ALDH4A1: variants seen among roughly 807,000 people sequenced by gnomAD.
The protein encoded by ALDH4A1 is aldehyde dehydrogenase 4 family member A1.
A neutral mutation model predicts 70.5 loss-of-function variants in ALDH4A1; 46 were observed. The observed-to-expected ratio is 0.65, with a 90% confidence interval of 0.51 to 0.83. The LOEUF (loss-of-function observed/expected upper bound fraction) is 0.83, where lower values mean the gene tolerates loss of function less well. ALDH4A1 is among the 40% of genes least tolerant of loss of function. The pLI, the probability that ALDH4A1 is intolerant of heterozygous loss-of-function variation, is 0.00. For synonymous variants in ALDH4A1, 323 were observed against 324.3 expected (o/e 1.00, Z 0.04); for missense variants, 749 against 766.5 (o/e 0.98, Z 0.27).
At chr1:18,900,261 C>T (rs746020401) in intron 1 of ALDH4A1, among the ~76,000 whole-genome samples, 7 of 152,164 alleles carry the variant, frequency 4.6e-5, no homozygotes, top group Admixed American at 6.5e-5. Flanking sequence ...TCAAAAGCAG[C>T]GGTTTTTCTC....
At chr1:18,883,064 T>A in intron 7 of ALDH4A1, 60 bp downstream of exon 7, 2 of 1,609,916 alleles carry the variant, frequency 1.2e-6, no homozygotes, top group Non-Finnish European at 1.7e-6. Context: ...GGCCTCTGTC[T>A]GTCTGTTGGG....
At chr1:18,875,187 C>G (rs750407301) in intron 13 of ALDH4A1, among the ~76,000 whole-genome samples, 195 bp downstream of exon 13, 5 of 152,212 alleles carry the variant, frequency 3.3e-5, no homozygotes, top group Non-Finnish European at 7.3e-5. Flanking sequence ...GCACCGGCAC[C>G]ACCAGTACCG....
chr1:18,887,562 G>A (rs1199573056), intron 3 of ALDH4A1, among the ~76,000 whole-genome samples: 1 of 152,008 alleles, frequency 6.6e-6, no homozygotes, highest in Admixed American at 6.5e-5. Flanking sequence ...TCGCACCACT[G>A]CACTCCAGCC....
In ALDH4A1 at chr1:18,889,396, T is replaced by C. The variant is rs769268247; in HGVS notation, c.215A>G (p.Glu72Gly). The C allele has an allele frequency of 1.3e-6, 2 of 1,552,884 alleles. No homozygotes were observed. The highest frequency in any genetic ancestry group is 2.4e-5 in the South Asian group (2 of 84,110). The change falls in exon 3 of 15, where the codon GAG becomes GGG. Residue 72 changes from glutamate (E) to glycine (G), a missense_variant. Physicochemically the swap from Glu to Gly is moderately conservative, Grantham distance 98. Transcript: ENST00000375341. ...EAIPCVVGDE[E>G]VWTSDVQYQV... ...GTACTGCACGTCCGACGTCCACACC[T>C]CCTCATCCCCCACCACGCATGGGAT...
At position 18,880,342 on chromosome 1, in the gene ALDH4A1, C is replaced by G. The variant is rs189050876; in HGVS notation, c.867-969G>C. On this transcript the variant is annotated intron_variant, in intron 8 of 14. Transcript: ENST00000375341. The surrounding 1 kb of genome is among the most constrained non-coding windows in gnomAD (Gnocchi z 5.1). The stretch of plus-strand genomic sequence containing the variant: ...CTTCCCCCGAGCCCGCTCGCCCTCC[C>G]AGGTGCCCATCTTGAACATTCTCGC... Among the ~76,000 whole-genome samples the G allele has an allele frequency of 3.3e-5, 5 of 152,306 alleles. No individual in the cohort carries two copies. The East Asian group carries it at 5.8e-4, about 18-fold the overall frequency.
chr1:18,893,750 C>T (rs1351870688), intron 1 of ALDH4A1, among the ~76,000 whole-genome samples: 1 of 152,172 alleles, frequency 6.6e-6, no homozygotes, highest in Non-Finnish European at 1.5e-5. Context: ...GTGATCCACC[C>T]GCCTTGGCCT....
intron 1 of ALDH4A1, among the ~76,000 whole-genome samples, chr1:18,901,782 T>G (rs142227570): frequency 1.8e-4 from 27 of 152,196 alleles, no homozygotes; most frequent in African/African-American, 6.3e-4. Context: ...CACTGTTCAG[T>G]GCACTCCCCA....
Position 18,882,451 on chromosome 1 carries a change from C to A in ALDH4A1, c.679-564G>T, listed in dbSNP as rs1348983358. 23 of 460,804 alleles carry A rather than the reference C, an allele frequency of 5.0e-5. No homozygotes were observed. The East Asian group carries it at 1.3e-3, about 26-fold the overall frequency. The allele number at this position is 460,804 out of a possible 1,614,324, so 28.5% of individuals were successfully genotyped here. A position where few individuals can be genotyped will look rare whatever the true frequency, so the allele number is the denominator to read the frequency against. On this transcript the variant is annotated intron_variant, in intron 7 of 14. Transcript: ENST00000375341. ...CAGGCTGTCTGGGAGCTGGGCTGCA[C>A]CTCCCCCACAGGCCTGGGACTTCAT... is the stretch of plus-strand genomic sequence containing the variant.
intron 14 of ALDH4A1, among the ~76,000 whole-genome samples, chr1:18,873,955 C>A (rs1934560795): frequency 6.6e-6 from 1 of 152,168 alleles, no homozygotes; most frequent in Admixed American, 6.5e-5. Flanking sequence ...GGACTGAGTT[C>A]TTAACCTGTG....
At chr1:18,881,086 A>G (rs1182107563) in intron 8 of ALDH4A1, among the ~76,000 whole-genome samples, 3 of 152,138 alleles carry the variant, frequency 2.0e-5, no homozygotes, top group Non-Finnish European at 4.4e-5. Flanking sequence ...CAGTGAGTGC[A>G]TGGATGGTCG....
intron 13 of ALDH4A1, among the ~76,000 whole-genome samples, chr1:18,874,858 G>A (rs972289896): frequency 2.0e-5 from 3 of 152,156 alleles, no homozygotes; most frequent in African/African-American, 7.2e-5. Context: ...CAATGTTCCT[G>A]TCCCTCAGGA....
At chr1:18,896,363 T>G (rs1424749609) in intron 1 of ALDH4A1, among the ~76,000 whole-genome samples, 1 of 152,216 alleles carries the variant, frequency 6.6e-6, no homozygotes, top group Non-Finnish European at 1.5e-5. Flanking sequence ...GCCAGTGCTC[T>G]TCTGCTATCA....
Position 18,890,956 on chromosome 1 carries a change from C to A in ALDH4A1, c.63-851G>T, listed in dbSNP as rs974415992. On this transcript the variant is annotated intron_variant, in intron 1 of 14. Transcript: ENST00000375341. ...TGTGGACCATGAACTTGGAGAGCTG[C>A]CCTGAGCTCAGCTCACAGCCCCGGG... 1.2e-5 allele frequency: 11 copies of A among 951,830 alleles called. No individual in the cohort carries two copies. The African/African-American group carries it at 1.9e-4, about 17-fold the overall frequency. 59.0% of individuals were successfully genotyped at this position (951,830 alleles called of 1,614,324 possible). A position where few individuals can be genotyped will look rare whatever the true frequency, so the allele number is the denominator to read the frequency against.
At position 18,874,530 on chromosome 1, in the gene ALDH4A1, G is replaced by A. The variant is rs778642174; in HGVS notation, c.1512C>T (p.Phe504=). ...TKVLRNAAGN[F]YINDKSTGSI... Reference sequence around the variant, plus strand: ...AGCCAGTGGACTTGTCGTTGATGTAGAAGTTGCCGGCAGCATTCCTCAGCA... The same window carrying A: ...AGCCAGTGGACTTGTCGTTGATGTAAAAGTTGCCGGCAGCATTCCTCAGCA... The change falls in exon 14 of 15, where the codon TTC becomes TTT. Residue 504 remains phenylalanine, a synonymous_variant. Coordinates refer to ENST00000375341, the MANE Select transcript of ALDH4A1 (RefSeq NM_003748.4). The A allele has an allele frequency of 6.2e-7, 1 of 1,614,200 alleles. No homozygotes were observed. Among genetic ancestry groups the A allele is most frequent in the African/African-American group, 1.3e-5 (1 of 75,054 alleles).
At position 18,872,935 on chromosome 1, in the gene ALDH4A1, G is replaced by A. The variant is rs1414945851; in HGVS notation, c.1602C>T (p.Gly534=). 3.1e-6 allele frequency: 5 copies of A among 1,613,888 alleles called. No individual in the cohort carries two copies. ...ACGTCCAGCGCAGGATGTAGTGTGG[G>A]CCCCCTGGCTTGTCATTGGTTCCTG... is the stretch of plus-strand genomic sequence containing the variant. The part of the protein sequence containing the change: ...RASGTNDKPG[G]PHYILRWTSP... Residue 534 remains glycine, a synonymous_variant, in exon 15 of 15, where the codon GGC becomes GGT. Coordinates refer to ENST00000375341, the MANE Select transcript of ALDH4A1 (RefSeq NM_003748.4).
intron 1 of ALDH4A1, among the ~76,000 whole-genome samples, chr1:18,896,326 A>C (rs1287350276): frequency 1.3e-5 from 2 of 152,146 alleles, no homozygotes; most frequent in Non-Finnish European, 2.9e-5. Flanking sequence ...CAGAGCTGAC[A>C]CCAGGCCCCC....
chr1:18,893,668 C>T (rs1187856408), intron 1 of ALDH4A1, among the ~76,000 whole-genome samples: 1 of 152,006 alleles, frequency 6.6e-6, no homozygotes, highest in Non-Finnish European at 1.5e-5. Flanking sequence ...ACACCCAGCT[C>T]ATTTTTTGTA....
Position 18,874,571 on chromosome 1 carries a change from G to GCACGA in ALDH4A1, c.1466_1470dup (p.Gln491SerfsTer9). On this transcript the variant is annotated frameshift_variant, in exon 14 of 15. Transcript: ENST00000375341. LOFTEE classifies it high-confidence loss of function. ...TTCCTCAGCACCTTTGTGGCCTCCT[G>GCACGA]CACGACGTCCCTACAAAGCAGAGCA... The GCACGA allele has an allele frequency of 1.9e-6, 3 of 1,614,204 alleles. No individual in the cohort carries two copies. Among genetic ancestry groups the GCACGA allele is most frequent in the Non-Finnish European group, 2.5e-6 (3 of 1,180,030 alleles).
At chr1:18,891,230 G>A (rs988350577) in intron 1 of ALDH4A1, among the ~76,000 whole-genome samples, 3 of 152,184 alleles carry the variant, frequency 2.0e-5, no homozygotes, top group Non-Finnish European at 4.4e-5. Context: ...GAAGAATGAT[G>A]ATGACAAAGT....
Sources: gnomAD v4.1 joint callset for allele counts (sites outside exome capture counted in the v4.1 genomes callset) on GRCh38, gnomAD v4.1.1 for gene constraint, Gnocchi (gnomAD v3.1) non-coding constraint, MANE v1.5 for transcripts, NCBI Gene and HGNC (gene_info 2026-07-23, HGNC 2026-07-21) for gene names.